The following SKIC3 variants were observed in gnomAD, a reference collection of about 807,000 sequenced individuals.
SKIC3 encodes SKI3 subunit of superkiller complex.
At chr5:95,509,545 C>G in the SKIC3 span, 4 of 1,376,070 alleles carry the variant, frequency 2.9e-6, no homozygotes, top group African/African-American at 5.7e-5. Context: ...CTCCAGGAAC[C>G]CTTCCCCTCA....
At chr5:95,482,404 A>G in the SKIC3 span, 2 of 1,488,096 alleles carry the variant, frequency 1.3e-6, no homozygotes, top group Non-Finnish European at 1.9e-6. Context: ...AATGGAGCAT[A>G]GCCCTGACAT....
the SKIC3 span, among the ~76,000 whole-genome samples, chr5:95,538,637 T>TA: frequency 6.6e-6 from 1 of 151,960 alleles, no homozygotes. Flanking sequence ...AAGTTACAAA[T>TA]AAAAAAAGGA....
chr5:95,477,419 T>C, the SKIC3 span, among the ~76,000 whole-genome samples: 1 of 152,208 alleles, frequency 6.6e-6, no homozygotes, highest in Non-Finnish European at 1.5e-5. Flanking sequence ...ACTAACATTC[T>C]CATGGATTAC....
the SKIC3 span, chr5:95,541,930 T>C: frequency 6.7e-7 from 1 of 1,496,570 alleles, no homozygotes. Context: ...TACTCATGAT[T>C]ATTCTTTTTC....
the SKIC3 span, chr5:95,522,421 T>G: frequency 5.4e-6 from 7 of 1,285,708 alleles, no homozygotes; most frequent in African/African-American, 7.5e-5. Context: ...CTCCTTCTAC[T>G]TATAAAAGTG....
At chr5:95,494,608 T>C in the SKIC3 span, 1 of 1,445,636 alleles carries the variant, frequency 6.9e-7, no homozygotes, top group African/African-American at 1.4e-5. Context: ...GTGTGCAAGA[T>C]TTTTCCCCCA....
the SKIC3 span, among the ~76,000 whole-genome samples, chr5:95,543,953 CAAGT>C: frequency 6.6e-6 from 1 of 152,162 alleles, no homozygotes; most frequent in African/African-American, 2.4e-5. Context: ...AAGCAGTTAG[CAAGT>C]ATGTTCTAGG....
the SKIC3 span, among the ~76,000 whole-genome samples, chr5:95,502,254 T>G: frequency 6.6e-6 from 1 of 152,092 alleles, no homozygotes; most frequent in African/African-American, 2.4e-5. Context: ...ACCATGAAGA[T>G]TGGTATCACT....
the SKIC3 span, among the ~76,000 whole-genome samples, chr5:95,497,845 G>A: frequency 6.6e-6 from 1 of 151,542 alleles, no homozygotes; most frequent in Non-Finnish European, 1.5e-5. Context: ...AATGACATAA[G>A]GAATAAGCTT....
At chr5:95,525,264 T>C in the SKIC3 span, 7 of 822,200 alleles carry the variant, frequency 8.5e-6, no homozygotes, top group Middle Eastern at 3.6e-4. Context: ...TTCTTTAAAA[T>C]ACTAAAACTT....
the SKIC3 span, chr5:95,523,556 A>C: frequency 2.1e-6 from 3 of 1,413,940 alleles, no homozygotes; most frequent in Non-Finnish European, 2.8e-6. Flanking sequence ...CTATAGAAAA[A>C]AAACTAATGA....
chr5:95,536,758 A>G, the SKIC3 span: 1 of 1,359,524 alleles, frequency 7.4e-7, no homozygotes, highest in South Asian at 1.2e-5. Context: ...TTTGATTAAT[A>G]ACATCACTCA....
At chr5:95,534,124 A>C in the SKIC3 span, among the ~76,000 whole-genome samples, 2 of 152,112 alleles carry the variant, frequency 1.3e-5, no homozygotes, top group Admixed American at 1.3e-4. Context: ...TACAATAAAG[A>C]AAATCAGCCT....
At chr5:95,521,736 A>G in the SKIC3 span, among the ~76,000 whole-genome samples, 2 of 152,128 alleles carry the variant, frequency 1.3e-5, no homozygotes, top group African/African-American at 2.4e-5. Flanking sequence ...GATATTCTGG[A>G]GACATGATGA....
chr5:95,512,687 AAAAC>A, the SKIC3 span: 2 of 1,559,892 alleles, frequency 1.3e-6, no homozygotes, highest in Non-Finnish European at 1.8e-6. Context: ...AATAAGAAGT[AAAAC>A]AATGCACTTC....
At chr5:95,480,790 A>G in the SKIC3 span, among the ~76,000 whole-genome samples, 1 of 152,234 alleles carries the variant, frequency 6.6e-6, no homozygotes, top group African/African-American at 2.4e-5. Flanking sequence ...CCATAAAATG[A>G]AATGAAAAAA....
At chr5:95,523,073 C>T in the SKIC3 span, 1 of 1,273,146 alleles carries the variant, frequency 7.9e-7, no homozygotes, top group Admixed American at 1.8e-5. Context: ...CAATAAACAC[C>T]AATCAATCAT....
chr5:95,469,150 T>G, the SKIC3 span, among the ~76,000 whole-genome samples: 74 of 152,332 alleles, frequency 4.9e-4, no homozygotes, highest in Non-Finnish European at 8.8e-4. Context: ...TTATATGTAG[T>G]ATATATTAGA....
At chr5:95,470,045 C>A in the SKIC3 span, 2 of 1,025,528 alleles carry the variant, frequency 2.0e-6, no homozygotes, top group Middle Eastern at 3.3e-4. Context: ...GGCGCGATCT[C>A]GGCTCACTTG....
Sources: gnomAD v4.1 joint callset for allele counts (sites outside exome capture counted in the v4.1 genomes callset) on GRCh38, gnomAD v4.1.1 for gene constraint, MANE v1.5 for transcripts, NCBI Gene and HGNC (gene_info 2026-07-23, HGNC 2026-07-21) for gene names.